The following CACNA1F variants were observed in gnomAD, a reference collection of about 807,000 sequenced individuals.
CACNA1F encodes voltage-dependent L-type calcium channel subunit alpha-1F.
A neutral mutation model predicts 143.8 loss-of-function variants in CACNA1F; 59 were observed. That is an observed-to-expected ratio of 0.41 (90% CI 0.33 to 0.51). The LOEUF (loss-of-function observed/expected upper bound fraction) is 0.51, where lower values mean the gene tolerates loss of function less well. Among genes scored for constraint, CACNA1F ranks in the 20% least tolerant of loss-of-function variants. The probability of loss-of-function intolerance (pLI) is 0.22; values close to 1 mark genes in which losing one functional copy is unlikely to be tolerated. For synonymous variants in CACNA1F, 643 were observed against 649.1 expected (o/e 0.99, Z 0.14); for missense variants, 1,411 against 1,647.5 (o/e 0.86, Z 2.48).
At chrX:49,213,124 G>A (rs2065675497) in intron 31 of CACNA1F, 130 bp from the exon 32 acceptor site, 2 of 565,044 alleles carry the variant, frequency 3.5e-6, no homozygotes, top group Non-Finnish European at 6.1e-6. Flanking sequence ...GGGGACAATG[G>A]GAAAGTTTAT....
rs151256170 is a variant in CACNA1F, at chrX:49,223,079, G to A, written c.1935C>T (p.Ile645=). 24 of 1,201,509 alleles carry A rather than the reference G, an allele frequency of 2.0e-5. No individual in the cohort carries two copies. The African/African-American group carries it at 3.9e-4, about 19-fold the overall frequency. The part of the protein sequence containing the change: ...VASLLNSMKS[I]ASLLLLLFLF... The stretch of plus-strand genomic sequence containing the variant: ...GGAAGAGGAGAAGCAGCAAGGATGC[G>A]ATGGATTTCATTGAATTGAGCAGGG... The change falls in exon 15 of 48, where the codon ATC becomes ATT. Residue 645 remains isoleucine (I), a synonymous_variant. Coordinates refer to ENST00000323022, the MANE Select transcript of CACNA1F (RefSeq NM_001256789.3).
Position 49,226,036 on chromosome X carries a change from C to T in CACNA1F, c.1524G>A (p.Arg508=), listed in dbSNP as rs2147918233. 8.4e-7 allele frequency: 1 copy of T among 1,190,269 alleles called. No homozygotes were observed. The highest frequency in any genetic ancestry group is 1.1e-6 in the Non-Finnish European group (1 of 884,487). ...ACTTCACTGCCCGACGGCAGCGTGCCCGAAGGACCCGGTTGGCTCGGCGGA... is the reference window on the plus strand; with the variant it reads ...ACTTCACTGCCCGACGGCAGCGTGCTCGAAGGACCCGGTTGGCTCGGCGGA... ...RRLRRANRVL[R]ARCRRAVKSN... The change falls in exon 13 of 48, where the codon CGG becomes CGA. Residue 508 remains arginine, a synonymous_variant. Transcript: ENST00000323022.
At chrX:49,214,078 C>T (rs998506665) in intron 30 of CACNA1F, 81 bp downstream of exon 30, 92 of 728,186 alleles carry the variant, frequency 1.3e-4, no homozygotes, top group Non-Finnish European at 1.8e-4. Flanking sequence ...CTGCCCGCAT[C>T]GCCAACCCCA....
intron 21 of CACNA1F, 65 bp downstream of exon 21, chrX:49,219,256 C>T: frequency 8.8e-7 from 1 of 1,133,616 alleles, no homozygotes; most frequent in Admixed American, 2.4e-5. Context: ...CCTGACCCAG[C>T]TTGTGCCCAC....
Position 49,222,939 on chromosome X carries a change from G to C in CACNA1F, c.2075C>G (p.Thr692Ser). ...TFDTFPQALLTVFQILTGEDW... is the reference protein window; with the variant it reads ...TFDTFPQALLSVFQILTGEDW... ...GTCTCCAGATCCTACCTGAAAGACA[G>C]TGAGGAGGGCCTGGGGGAACGTGTC... is the stretch of plus-strand genomic sequence containing the variant. The change falls in exon 15 of 48, where the codon ACT becomes AGT. Residue 692 changes from threonine (T) to serine (S), a missense_variant. By Grantham distance (58) the Thr-to-Ser change is moderately conservative. Coordinates refer to ENST00000323022, the MANE Select transcript of CACNA1F (RefSeq NM_001256789.3). The C allele has an allele frequency of 8.5e-7, 1 of 1,171,409 alleles. No homozygotes were observed. Among genetic ancestry groups the C allele is most frequent in the Non-Finnish European group, 1.1e-6 (1 of 870,051 alleles).
chrX:49,212,867 C>T (rs1050399420), intron 32 of CACNA1F, 72 bp from the exon 33 acceptor site: 1 of 1,175,407 alleles, frequency 8.5e-7, no homozygotes, highest in Non-Finnish European at 1.2e-6. Flanking sequence ...CATGCTTTGG[C>T]CCTCCCAGTA....
intron 24 of CACNA1F, 139 bp from the exon 25 acceptor site, chrX:49,218,144 T>C (rs1484050603): frequency 2.0e-6 from 1 of 497,817 alleles, no homozygotes; most frequent in Non-Finnish European, 3.5e-6. Flanking sequence ...GTTAGCAACA[T>C]GTGTTCAAGA....
At position 49,213,810 on chromosome X, in the gene CACNA1F, A is replaced by T. The variant is rs201237474; in HGVS notation, c.3792+9T>A. The T allele has an allele frequency of 3.5e-6, 4 of 1,149,688 alleles. No homozygotes were observed. Among genetic ancestry groups the T allele is most frequent in the Non-Finnish European group, 3.6e-6 (3 of 838,629 alleles). 94.7% of individuals were successfully genotyped at this position (1,149,688 alleles called of 1,213,427 possible). A position where few individuals can be genotyped will look rare whatever the true frequency, so the allele number is the denominator to read the frequency against. ...GCGAGAGTGGATTAGTGGAAAGGCC[A>T]GTTCTCACATTGACTTCAGTGACGG... On this transcript the variant is annotated intron_variant, in intron 31 of 47. Coordinates refer to ENST00000323022, the MANE Select transcript of CACNA1F (RefSeq NM_001256789.3).
intron 31 of CACNA1F, among the ~76,000 whole-genome samples, chrX:49,213,239 T>C (rs923089826): frequency 1.8e-5 from 2 of 110,511 alleles, no homozygotes; most frequent in East Asian, 2.8e-4. Context: ...ATAGAGGAAA[T>C]GATGGAACCA....
chrX:49,215,500 G>A lies in CACNA1F; in HGVS notation c.3280C>T (p.Pro1094Ser). 8.3e-7 allele frequency: 1 copy of A among 1,206,863 alleles called. No individual in the cohort carries two copies. Among genetic ancestry groups the A allele is most frequent in the Non-Finnish European group, 1.1e-6 (1 of 892,367 alleles). ...ATCTCCACACGGTAATTATAGATGG[G>A]GCCGTGGTCCTCTGCATATGCATCG... ...AIDAYAEDHG[P>S]IYNYRVEISV... Residue 1094 changes from proline (P) to serine (S), a missense_variant, in exon 28 of 48, where the codon CCC becomes TCC. Pro to Ser is a moderately conservative substitution (Grantham distance 74, BLOSUM62 -1). This residue lies in a region of CACNA1F where 950 missense variants were observed against 1,128.1 expected (regional missense o/e 0.84). Coordinates refer to ENST00000323022, the MANE Select transcript of CACNA1F (RefSeq NM_001256789.3).
chrX:49,205,908 C>T (rs782595242), intron 46 of CACNA1F, 95 bp from the exon 47 acceptor site: 5 of 765,872 alleles, frequency 6.5e-6, no homozygotes, highest in Non-Finnish European at 9.7e-6. Flanking sequence ...CCTCAGTATA[C>T]AACTGGAGTG....
chrX:49,211,196 T>C, intron 36 of CACNA1F, 104 bp from the exon 37 acceptor site: 1 of 1,100,840 alleles, frequency 9.1e-7, no homozygotes. Context: ...AGTCTCTGGG[T>C]TGATCTTGTC....
intron 13 of CACNA1F, among the ~76,000 whole-genome samples, chrX:49,225,223 T>C (rs1179438881): frequency 5.4e-5 from 6 of 110,148 alleles, no homozygotes; most frequent in African/African-American, 2.0e-4. Flanking sequence ...TCAGTGTCTA[T>C]GAGTCCAGAA....
At position 49,209,764 on chromosome X, in the gene CACNA1F, G is replaced by T; in HGVS notation, c.4691-5C>A. The T allele has an allele frequency of 8.3e-7, 1 of 1,210,976 alleles. No homozygotes were observed. Among genetic ancestry groups the T allele is most frequent in the South Asian group, 1.8e-5 (1 of 56,881 alleles). ...TGCCCACGGTGACCTCCTCCTCTAG[G>T]GGCAAGGGAGAGAAGGCAAGATCAC... is the stretch of plus-strand genomic sequence containing the variant. On this transcript the variant is annotated splice_region_variant and splice_polypyrimidine_tract_variant and intron_variant, in intron 40 of 47. Transcript: ENST00000323022.
Position 49,226,982 on chromosome X carries a change from C to T in CACNA1F, c.1264G>A (p.Asp422Asn), listed in dbSNP as rs781801713. 9.1e-6 allele frequency: 11 copies of T among 1,210,508 alleles called. No individual in the cohort carries two copies. Among genetic ancestry groups the T allele is most frequent in the African/African-American group, 7.0e-5 (4 of 57,364 alleles). The change falls in exon 9 of 48, where the codon GAT (aspartate) becomes AAT (asparagine). Residue 422 changes from aspartate to asparagine, a missense_variant. Coordinates refer to ENST00000323022, the MANE Select transcript of CACNA1F (RefSeq NM_001256789.3). ...TCAGCCATAGAACCAAGGTTGTCAT[C>T]GGCGGAGGGGTCCTCCATGTCCAGC... The part of the protein sequence containing the change: ...EELDMEDPSA[D>N]DNLGPQLAEL...
intron 40 of CACNA1F, 73 bp from the exon 41 acceptor site, chrX:49,209,832 C>T (rs2065638206): frequency 1.7e-6 from 2 of 1,170,904 alleles, no homozygotes; most frequent in Admixed American, 4.4e-5. Context: ...CCTCTCTACC[C>T]ACCAGCATGG....
intron 13 of CACNA1F, 147 bp from the exon 14 acceptor site, chrX:49,225,133 GAGTTTGTAGGTCAGAGTAGGTGA>G: frequency 2.0e-6 from 1 of 508,267 alleles, no homozygotes; most frequent in South Asian, 2.6e-5. Context: ...GGATTGGGGT[GAGTTTGTAGGTCAGAGTAGGTGA>G]AGTTTTGAGG....
At chrX:49,212,862 T>G (rs1174427063) in intron 32 of CACNA1F, 67 bp from the exon 33 acceptor site, 1 of 1,181,620 alleles carries the variant, frequency 8.5e-7, no homozygotes, top group Non-Finnish European at 1.1e-6. Flanking sequence ...TATCTCATGC[T>G]TTGGCCCTCC....
rs201893500 is a variant in CACNA1F, at chrX:49,231,859, G to A, written c.94C>T (p.Pro32Ser). 38 of 1,185,342 alleles carry A rather than the reference G, an allele frequency of 3.2e-5. No homozygotes were observed. Among genetic ancestry groups the A allele is most frequent in the Middle Eastern group, 2.3e-4 (1 of 4,318 alleles). The change falls in exon 2 of 48, where the codon CCC (proline) becomes TCC (serine). Residue 32 changes from proline (P) to serine (S), a missense_variant. Pro to Ser is a moderately conservative substitution (Grantham distance 74). Coordinates refer to ENST00000323022, the MANE Select transcript of CACNA1F (RefSeq NM_001256789.3). ...CTGCTTTCACCTTCCACAGCTGGGG[G>A]CCCGGGGCACAGCCCCCATTCGGGA... Reference protein sequence around the residue: ...PGPEWGLCPGPPAVEGESSGA... With the variant: ...PGPEWGLCPGSPAVEGESSGA...
Sources: allele counts gnomAD v4.1 joint callset (sites outside exome capture counted in the v4.1 genomes callset), GRCh38; gene constraint gnomAD v4.1.1; regional missense constraint gnomAD v4.1.1; transcripts MANE v1.5; gene names NCBI Gene and HGNC (gene_info 2026-07-23, HGNC 2026-07-21).